HECW2: variants seen among roughly 807,000 people sequenced by gnomAD.
HECW2 encodes the protein HECT, C2 and WW domain containing E3 ubiquitin protein ligase 2.
In HECW2, 61 loss-of-function variants were observed where a neutral mutation model predicts 175.2. That is an observed-to-expected ratio of 0.35 (90% CI 0.28 to 0.43). The LOEUF is 0.43. Among genes scored for constraint, HECW2 ranks in the 20% least tolerant of loss-of-function variants. HECW2 has a pLI of 1.00. For synonymous variants in HECW2, 671 were observed against 731.0 expected (o/e 0.92, Z 1.32); for missense variants, 1,524 against 2,000.5 (o/e 0.76, Z 4.54).
intron 13 of HECW2, among the ~76,000 whole-genome samples, chr2:196,294,389 G>A (rs1464543965): frequency 1.3e-5 from 2 of 152,164 alleles, no homozygotes; most frequent in Non-Finnish European, 2.9e-5. Context: ...AAAGGGCTTT[G>A]GATTCGTTTT....
intron 2 of HECW2, among the ~76,000 whole-genome samples, chr2:196,394,705 C>T (rs777978538): frequency 6.6e-6 from 1 of 152,140 alleles, no homozygotes; most frequent in Non-Finnish European, 1.5e-5. Context: ...AGAAAAATGG[C>T]TTTGAAAATA....
At chr2:196,331,430 TG>T in intron 4 of HECW2, 1 of 299,394 alleles carries the variant, frequency 3.3e-6, no homozygotes, top group Non-Finnish European at 4.9e-6. Context: ...CTTCTGTGCC[TG>T]GGCACAGGAA....
intron 1 of HECW2, among the ~76,000 whole-genome samples, chr2:196,535,894 CTGAGT>C (rs1431313828): frequency 2.6e-5 from 4 of 152,002 alleles, no homozygotes; most frequent in Non-Finnish European, 5.9e-5. Flanking sequence ...AATTAGAGAT[CTGAGT>C]TAACAAGTAT....
In HECW2 at chr2:196,310,990, A is replaced by C. The variant is rs552221486; in HGVS notation, c.2435-2905T>G. Among the ~76,000 whole-genome samples the C allele has an allele frequency of 2.6e-5, 4 of 152,342 alleles. No individual in the cohort carries two copies. In the South Asian group the frequency reaches 8.3e-4, roughly 32 times the overall value. On this transcript the variant is annotated intron_variant, in intron 10 of 28. Transcript: ENST00000644978. Reference sequence around the variant, plus strand: ...AAAATTATGCCCATTTTATTATATTAAGTTCAGCAAGAACCTAGTAACATT... The same window carrying C: ...AAAATTATGCCCATTTTATTATATTCAGTTCAGCAAGAACCTAGTAACATT...
At chr2:196,494,903 C>T (rs1164450747) in intron 1 of HECW2, among the ~76,000 whole-genome samples, 3 of 152,156 alleles carry the variant, frequency 2.0e-5, no homozygotes, top group African/African-American at 7.2e-5. Context: ...ATCCAGGCTG[C>T]ACCTACTCTG....
At chr2:196,545,084 T>A (rs1449816097) in intron 1 of HECW2, among the ~76,000 whole-genome samples, 1 of 152,210 alleles carries the variant, frequency 6.6e-6, no homozygotes, top group African/African-American at 2.4e-5. Flanking sequence ...ATGTATTCAT[T>A]GACAGGGAAA....
intron 3 of HECW2, 24 bp from the exon 4 acceptor site, chr2:196,334,542 G>C: frequency 6.5e-7 from 1 of 1,536,318 alleles, no homozygotes; most frequent in Non-Finnish European, 8.9e-7. Context: ...GGAGAAAACA[G>C]TAATTTAAAC....
intron 2 of HECW2, among the ~76,000 whole-genome samples, chr2:196,400,955 A>C (rs1346506770): frequency 6.6e-6 from 1 of 152,256 alleles, no homozygotes; most frequent in African/African-American, 2.4e-5. Context: ...CTAATCATTC[A>C]GCAGACTTGT....
chr2:196,498,627 C>T (rs952184275), intron 1 of HECW2, among the ~76,000 whole-genome samples: 1 of 152,168 alleles, frequency 6.6e-6, no homozygotes, highest in African/African-American at 2.4e-5. Flanking sequence ...ACTTAATCCC[C>T]TCCTTGCTAG....
intron 14 of HECW2, chr2:196,289,540 T>C (rs1690525497): frequency 1.3e-5 from 2 of 151,936 alleles, no homozygotes; most frequent in South Asian, 2.1e-4. Flanking sequence ...TCCCCAACAA[T>C]ATGGTGAACT....
chr2:196,252,306 T>C (rs969287251), intron 19 of HECW2, among the ~76,000 whole-genome samples: 1 of 152,098 alleles, frequency 6.6e-6, no homozygotes, highest in African/African-American at 2.4e-5. Flanking sequence ...TACTTGTATC[T>C]ATTTCCTACA....
At chr2:196,581,879 A>G (rs1690797950) in intron 1 of HECW2, among the ~76,000 whole-genome samples, 1 of 152,054 alleles carries the variant, frequency 6.6e-6, no homozygotes, top group South Asian at 2.1e-4. Flanking sequence ...ATCCTGGCTA[A>G]CACGGTGAAA....
At chr2:196,414,149 C>T (rs1381734773) in intron 2 of HECW2, among the ~76,000 whole-genome samples, 2 of 152,184 alleles carry the variant, frequency 1.3e-5, no homozygotes, top group Non-Finnish European at 2.9e-5. Flanking sequence ...AGCCTCACGC[C>T]ACGTGAATAT....
At chr2:196,414,053 C>G (rs1025923037) in intron 2 of HECW2, among the ~76,000 whole-genome samples, 4 of 152,212 alleles carry the variant, frequency 2.6e-5, no homozygotes, top group Admixed American at 2.6e-4. Flanking sequence ...ACACAGTCAT[C>G]AAAAAGCACT....
intron 1 of HECW2, among the ~76,000 whole-genome samples, chr2:196,456,933 T>C (rs1696535705): frequency 6.6e-6 from 1 of 152,192 alleles, no homozygotes; most frequent in Non-Finnish European, 1.5e-5. Flanking sequence ...ATGTGTGAAC[T>C]ATTCATTTGG....
At chr2:196,521,989 T>A (rs1357701738) in intron 1 of HECW2, among the ~76,000 whole-genome samples, 2 of 152,124 alleles carry the variant, frequency 1.3e-5, no homozygotes, top group East Asian at 3.9e-4. Context: ...GTCCTTTGGG[T>A]ATATACCCAG....
intron 1 of HECW2, among the ~76,000 whole-genome samples, chr2:196,522,149 T>G (rs1159440938): frequency 2.0e-5 from 3 of 152,028 alleles, no homozygotes; most frequent in African/African-American, 7.3e-5. Flanking sequence ...CATCTGTTGT[T>G]TCCTGACTTT....
At chr2:196,353,794 G>T (rs985491123) in intron 2 of HECW2, among the ~76,000 whole-genome samples, 1 of 152,106 alleles carries the variant, frequency 6.6e-6, no homozygotes, top group Non-Finnish European at 1.5e-5. Flanking sequence ...ACTGCCTATG[G>T]TCTGTCCCTC....
chr2:196,268,905 C>T (rs1689621163), intron 17 of HECW2, among the ~76,000 whole-genome samples: 1 of 152,166 alleles, frequency 6.6e-6, no homozygotes, highest in African/African-American at 2.4e-5. Context: ...TTTTTTAGAA[C>T]TAAAACTTCT....
Sources: allele counts gnomAD v4.1 joint callset (sites outside exome capture counted in the v4.1 genomes callset), GRCh38; gene constraint gnomAD v4.1.1; transcripts MANE v1.5; gene names NCBI Gene and HGNC (gene_info 2026-07-23, HGNC 2026-07-21).